LPAR1: variants seen among roughly 807,000 people sequenced by gnomAD.
The protein encoded by LPAR1 is lysophosphatidic acid receptor 1, also known as LPA receptor 1.
LPAR1 carries 5 observed loss-of-function variants against 23.8 expected under a neutral mutation model. The observed-to-expected ratio is 0.21, with a 90% confidence interval of 0.11 to 0.44. LPAR1 has a LOEUF of 0.44. LPAR1 is among the 20% of genes least tolerant of loss of function. The probability of loss-of-function intolerance (pLI) is 0.99; values close to 1 mark genes in which losing one functional copy is unlikely to be tolerated. For missense variants in LPAR1, 311 were observed against 482.8 expected (o/e 0.64, Z 3.33); for synonymous variants, 160 against 164.7 (o/e 0.97, Z 0.22).
chr9:111,007,756 C>G (rs1425196970), intron 2 of LPAR1, among the ~76,000 whole-genome samples: 2 of 152,136 alleles, frequency 1.3e-5, no homozygotes, highest in East Asian at 1.9e-4. Context: ...ACCTAGCAAT[C>G]CTACTTCAAG....
At chr9:110,982,663 A>G (rs1289484478) in intron 2 of LPAR1, among the ~76,000 whole-genome samples, 2 of 151,982 alleles carry the variant, frequency 1.3e-5, no homozygotes, top group East Asian at 3.9e-4. Flanking sequence ...AAAAGAAATT[A>G]TGGATATAAA....
intron 4 of LPAR1, among the ~76,000 whole-genome samples, chr9:110,964,998 GT>G (rs1217096391): frequency 6.6e-6 from 1 of 151,786 alleles, no homozygotes; most frequent in East Asian, 1.9e-4. Context: ...AGCCTCCTGA[GT>G]AGCTGAGATT....
intron 4 of LPAR1, among the ~76,000 whole-genome samples, chr9:110,960,405 A>G (rs1248529158): frequency 6.6e-6 from 1 of 152,230 alleles, no homozygotes; most frequent in Non-Finnish European, 1.5e-5. Context: ...TACATTCACA[A>G]GCACATGCAG....
chr9:110,934,603 G>C (rs2094578615), intron 5 of LPAR1: 1 of 152,158 alleles, frequency 6.6e-6, no homozygotes, highest in Non-Finnish European at 1.5e-5. Flanking sequence ...CCTCTAGAAA[G>C]CTCTACATGG....
In LPAR1 at chr9:110,941,979, G is replaced by T; in HGVS notation, c.235C>A (p.Arg79Ser). ...AGGTAATAAATAGGAAAATGGAAGCGGCGGTTGACATAGATTGCCACCATG... is the reference window on the plus strand; with the variant it reads ...AGGTAATAAATAGGAAAATGGAAGCTGCGGTTGACATAGATTGCCACCATG... ...LVMVAIYVNRRFHFPIYYLMA... is the reference protein window; with the variant it reads ...LVMVAIYVNRSFHFPIYYLMA... The change falls in exon 5 of 6, where the codon CGC (arginine) becomes AGC (serine). Residue 79 changes from arginine to serine, a missense_variant. Coordinates refer to ENST00000683809, the MANE Select transcript of LPAR1 (RefSeq NM_001351411.2). This position sits in a 1 kb window ranked among gnomAD's most constrained non-coding sequence, Gnocchi z 6.1. 6.2e-7 allele frequency: 1 copy of T among 1,614,096 alleles called. No homozygotes were observed. Among genetic ancestry groups the T allele is most frequent in the Non-Finnish European group, 8.5e-7 (1 of 1,179,988 alleles).
At chr9:110,951,717 TACTA>T (rs757120890) in intron 4 of LPAR1, among the ~76,000 whole-genome samples, 9 of 152,180 alleles carry the variant, frequency 5.9e-5, no homozygotes, top group South Asian at 2.1e-4. Context: ...TGGCAAAAAC[TACTA>T]ACTATGAACA....
intron 5 of LPAR1, among the ~76,000 whole-genome samples, chr9:110,898,575 A>G (rs1487940285): frequency 1.3e-5 from 2 of 152,214 alleles, no homozygotes; most frequent in African/African-American, 4.8e-5. Flanking sequence ...CTCAAGGGTC[A>G]TCGGGTTTAC....
intron 5 of LPAR1, among the ~76,000 whole-genome samples, chr9:110,937,438 T>C (rs568408777): frequency 1.2e-3 from 179 of 152,342 alleles, no homozygotes; most frequent in Non-Finnish European, 2.0e-3. Flanking sequence ...TCCCCGTTCC[T>C]ATACTTCCTA....
chr9:110,918,781 A>C (rs1536437), intron 5 of LPAR1, among the ~76,000 whole-genome samples: 151,350 of 152,360 alleles, frequency 0.99, 75,177 homozygotes, highest in Middle Eastern at 1. Context: ...ATTCCTGGCA[A>C]AAACTTTTTA....
At chr9:111,009,013 A>C (rs1314054596) in intron 2 of LPAR1, among the ~76,000 whole-genome samples, 1 of 152,204 alleles carries the variant, frequency 6.6e-6, no homozygotes, top group East Asian at 1.9e-4. Flanking sequence ...CATCAAAAAG[A>C]ACAAACAGTC....
At chr9:111,018,821 T>C (rs1044050573) in intron 2 of LPAR1, among the ~76,000 whole-genome samples, 8 of 152,204 alleles carry the variant, frequency 5.3e-5, no homozygotes, top group African/African-American at 1.7e-4. Flanking sequence ...ATAAAAGTTG[T>C]TGAGTACAAT....
At chr9:111,022,825 C>A (rs547233643) in intron 2 of LPAR1, among the ~76,000 whole-genome samples, 1 of 151,780 alleles carries the variant, frequency 6.6e-6, no homozygotes, top group African/African-American at 2.4e-5. Flanking sequence ...CCAAGGCGGG[C>A]GGATTACGAG....
At chr9:110,958,825 T>C (rs1423318218) in intron 4 of LPAR1, among the ~76,000 whole-genome samples, 1 of 143,194 alleles carries the variant, frequency 7.0e-6, no homozygotes. Flanking sequence ...ATATCCAGAG[T>C]ATACAAGGAA....
At chr9:110,971,687 A>C (rs2096424892) in intron 4 of LPAR1, among the ~76,000 whole-genome samples, 1 of 152,152 alleles carries the variant, frequency 6.6e-6, no homozygotes, top group Non-Finnish European at 1.5e-5. Flanking sequence ...ACTTGTTATA[A>C]AATTAGATCC....
At chr9:110,898,513 TA>T (rs1372477345) in intron 5 of LPAR1, among the ~76,000 whole-genome samples, 25 of 152,276 alleles carry the variant, frequency 1.6e-4, no homozygotes, top group African/African-American at 5.8e-4. Flanking sequence ...ATAAGAACGC[TA>T]TATTTAGAGT....
intron 5 of LPAR1, among the ~76,000 whole-genome samples, chr9:110,902,043 AG>A (rs1374872174): frequency 1.3e-5 from 2 of 152,124 alleles, no homozygotes; most frequent in Admixed American, 6.5e-5. Context: ...GAACTCCAAA[AG>A]GTGAAATGGT....
intron 5 of LPAR1, among the ~76,000 whole-genome samples, chr9:110,895,320 C>T (rs1481083118): frequency 6.6e-6 from 1 of 152,204 alleles, no homozygotes; most frequent in East Asian, 1.9e-4. Flanking sequence ...ACAGCTGCTA[C>T]AGCCAGGCAT....
At chr9:110,979,961 GA>G (rs1185791882) in intron 2 of LPAR1, among the ~76,000 whole-genome samples, 2 of 152,038 alleles carry the variant, frequency 1.3e-5, no homozygotes, top group African/African-American at 4.8e-5. Flanking sequence ...AAAGCACATA[GA>G]AAACTAAGCA....
rs1564115165 is a variant in LPAR1 at position 110,941,716 on chromosome 9, C to T, written c.498G>A (p.Val166=). The change falls in exon 5 of 6, where the codon GTG becomes GTA. Residue 166 remains valine, a synonymous_variant. Transcript: ENST00000683809. This position sits in a 1 kb window ranked among gnomAD's most constrained non-coding sequence, Gnocchi z 6.1. ...CCATAGTCCAGATGACCACAATGAC[C>T]ACCACTACCCGCCGGTTGCTCATCC... ...HTRMSNRRVV[V]VIVVIWTMAI... The T allele has an allele frequency of 1.2e-6, 2 of 1,614,192 alleles. No individual in the cohort carries two copies. Among genetic ancestry groups the T allele is most frequent in the East Asian group, 2.2e-5 (1 of 44,874 alleles).
Sources: gnomAD v4.1 joint callset for allele counts (sites outside exome capture counted in the v4.1 genomes callset) on GRCh38, gnomAD v4.1.1 for gene constraint, Gnocchi (gnomAD v3.1) non-coding constraint, MANE v1.5 for transcripts, NCBI Gene and HGNC (gene_info 2026-07-23, HGNC 2026-07-21) for gene names.